CACNA2D2: variants seen among roughly 807,000 people sequenced by gnomAD.
The protein encoded by CACNA2D2 is voltage-dependent calcium channel subunit alpha-2/delta-2.
A neutral mutation model predicts 166.4 loss-of-function variants in CACNA2D2; 48 were observed. That is an observed-to-expected ratio of 0.29 (90% CI 0.23 to 0.37). The LOEUF (loss-of-function observed/expected upper bound fraction) is 0.37. CACNA2D2 is among the 10% of genes least tolerant of loss of function. The pLI, the probability that CACNA2D2 is intolerant of heterozygous loss-of-function variation, is 1.00. For synonymous variants in CACNA2D2, 561 were observed against 573.7 expected, an observed-to-expected ratio of 0.98 and a Z score of 0.32; for missense variants, 1,122 against 1,433.0, an observed-to-expected ratio of 0.78 and a Z score of 3.50.
chr3:50,367,251 C>G lies in CACNA2D2; in HGVS notation c.2402-142G>C, dbSNP rs1419793160. On this transcript the variant is annotated intron_variant, in intron 27 of 37. Coordinates refer to ENST00000424201, the MANE Select transcript of CACNA2D2 (RefSeq NM_006030.4). The surrounding 1 kb of genome is among the most constrained non-coding windows in gnomAD (Gnocchi z 6.5). The stretch of plus-strand genomic sequence containing the variant: ...CACTCAGGACAGTGTTTGGCACAGT[C>G]TATCCCTCTTTTCACGTCTGCCCTG... The G allele has an allele frequency of 2.0e-6, 2 of 991,844 alleles. No individual in the cohort carries two copies. The highest frequency in any genetic ancestry group is 3.1e-6 in the Non-Finnish European group (2 of 642,286). 61.4% of individuals were successfully genotyped at this position (991,844 alleles called of 1,614,324 possible). A position where few individuals can be genotyped will look rare whatever the true frequency, so the allele number is the denominator to read the frequency against.
intron 3 of CACNA2D2, among the ~76,000 whole-genome samples, chr3:50,419,501 C>G (rs1349670572): frequency 1.3e-5 from 2 of 152,200 alleles, no homozygotes; most frequent in Non-Finnish European, 2.9e-5. Flanking sequence ...CAAACCTGGG[C>G]TGCTTCTCAC....
At chr3:50,368,071 G>T in intron 24 of CACNA2D2, 67 bp downstream of exon 24, 1 of 1,307,846 alleles carries the variant, frequency 7.6e-7, no homozygotes, top group Non-Finnish European at 1.1e-6. Flanking sequence ...CGGCCTCTGG[G>T]TTCCTCTGGG....
chr3:50,439,341 C>T (rs1191674549), intron 2 of CACNA2D2, among the ~76,000 whole-genome samples: 2 of 152,222 alleles, frequency 1.3e-5, no homozygotes, highest in African/African-American at 4.8e-5. Flanking sequence ...CAGGCACTCG[C>T]ACGCAAGGCT....
At chr3:50,495,434 C>A (rs1388990722) in intron 1 of CACNA2D2, among the ~76,000 whole-genome samples, 2 of 152,230 alleles carry the variant, frequency 1.3e-5, no homozygotes, top group Non-Finnish European at 2.9e-5. Flanking sequence ...ACAGAACCCA[C>A]GAGAACTGGG....
At chr3:50,392,023 T>C (rs1214577605) in intron 4 of CACNA2D2, among the ~76,000 whole-genome samples, 1 of 152,078 alleles carries the variant, frequency 6.6e-6, no homozygotes, top group Non-Finnish European at 1.5e-5. Flanking sequence ...AGGGCATTCC[T>C]AGGAAGAGGG....
At chr3:50,486,456 A>G (rs1311461384) in intron 1 of CACNA2D2, among the ~76,000 whole-genome samples, 1 of 151,774 alleles carries the variant, frequency 6.6e-6, no homozygotes, top group African/African-American at 2.4e-5. Context: ...TGTCCTCTGT[A>G]TGAGTCCTCA....
At chr3:50,378,639 G>C (rs587762068) in intron 13 of CACNA2D2, among the ~76,000 whole-genome samples, 49 of 152,368 alleles carry the variant, frequency 3.2e-4, no homozygotes, top group South Asian at 2.7e-3. Flanking sequence ...CCAGGCCCAA[G>C]TGCACAGAGA....
At chr3:50,484,977 C>A (rs1280161708) in intron 1 of CACNA2D2, among the ~76,000 whole-genome samples, 1 of 152,226 alleles carries the variant, frequency 6.6e-6, no homozygotes, top group Admixed American at 6.5e-5. Context: ...GCCCAGGAGG[C>A]CCTCCCTTCC....
intron 2 of CACNA2D2, among the ~76,000 whole-genome samples, chr3:50,459,862 A>G (rs1709518320): frequency 6.6e-6 from 1 of 152,186 alleles, no homozygotes. Flanking sequence ...AGAGGCAGGC[A>G]GTGCTTCCCA....
rs1704303640 is a variant in CACNA2D2 at position 50,366,543 on chromosome 3, A to G, written c.2637+35T>C. 1 of 1,611,480 alleles carries G rather than the reference A, an allele frequency of 6.2e-7. No individual in the cohort carries two copies. On this transcript the variant is annotated intron_variant, in intron 30 of 37. Coordinates refer to ENST00000424201, the MANE Select transcript of CACNA2D2 (RefSeq NM_006030.4). The surrounding 1 kb of genome is among the most constrained non-coding windows in gnomAD (Gnocchi z 5.9). ...GACTAGGAAGTCTGGAAGTGGGGTAAGCTAGGGTCCAGGGTAGGTTCAGGG... is the reference window on the plus strand; with the variant it reads ...GACTAGGAAGTCTGGAAGTGGGGTAGGCTAGGGTCCAGGGTAGGTTCAGGG...
intron 1 of CACNA2D2, among the ~76,000 whole-genome samples, chr3:50,480,899 G>GGGGGAAGC (rs1559991369): frequency 1.2e-4 from 3 of 24,780 alleles, no homozygotes; most frequent in African/African-American, 2.1e-4. Context: ...GGGGAGGAAG[G>GGGGGAAGC]GGGAGGAAAG....
chr3:50,442,104 CTT>C (rs1457551838), intron 2 of CACNA2D2, among the ~76,000 whole-genome samples: 1 of 152,224 alleles, frequency 6.6e-6, no homozygotes, highest in African/African-American at 2.4e-5. Context: ...CAGTCTGTGA[CTT>C]TATCTCCCCT....
At chr3:50,404,640 G>C (rs1706608524) in intron 3 of CACNA2D2, among the ~76,000 whole-genome samples, 1 of 152,148 alleles carries the variant, frequency 6.6e-6, no homozygotes, top group South Asian at 2.1e-4. Context: ...AGTTCCCATG[G>C]GAAGAGGTTG....
chr3:50,366,733 T>G lies in CACNA2D2; in HGVS notation c.2589+98A>C. 6.5e-7 allele frequency: 1 copy of G among 1,541,876 alleles called. No homozygotes were observed. Among genetic ancestry groups the G allele is most frequent in the Admixed American group, 1.7e-5 (1 of 57,858 alleles). On this transcript the variant is annotated intron_variant, in intron 29 of 37. Coordinates refer to ENST00000424201, the MANE Select transcript of CACNA2D2 (RefSeq NM_006030.4). The surrounding 1 kb of genome is among the most constrained non-coding windows in gnomAD (Gnocchi z 5.9). Reference sequence around the variant, plus strand: ...CCATCTGCAGCTGGCCCTGCCTCCATGTAGGTGTTGGAGCCACTGAGTGGA... The same window carrying G: ...CCATCTGCAGCTGGCCCTGCCTCCAGGTAGGTGTTGGAGCCACTGAGTGGA...
Position 50,458,257 on chromosome 3 carries a change from G to A in CACNA2D2, c.288+17861C>T, listed in dbSNP as rs888247930. Among the ~76,000 whole-genome samples, 3 of 152,344 alleles carry A rather than the reference G, an allele frequency of 2.0e-5. No homozygotes were observed. The South Asian group carries it at 6.2e-4, about 32-fold the overall frequency. On this transcript the variant is annotated intron_variant, in intron 2 of 37. Transcript: ENST00000424201. ...TTGGGACGAGGGGCACCTGGCCACGGGGAGAGAACCAGGCTGCTCAAGTGT... is the reference window on the plus strand; with the variant it reads ...TTGGGACGAGGGGCACCTGGCCACGAGGAGAGAACCAGGCTGCTCAAGTGT...
In CACNA2D2 at chr3:50,380,031, T is replaced by C. The variant is rs934221849; in HGVS notation, c.843-13A>G. ...CCCCTGGATATACCTGCCCAGGAGA[T>C]GCCTCTGTTAGGGTAAGGCCCACTG... On this transcript the variant is annotated splice_polypyrimidine_tract_variant and intron_variant, in intron 8 of 37. Coordinates refer to ENST00000424201, the MANE Select transcript of CACNA2D2 (RefSeq NM_006030.4). The surrounding 1 kb of genome is among the most constrained non-coding windows in gnomAD (Gnocchi z 4.9). 4 of 1,614,036 alleles carry C rather than the reference T, an allele frequency of 2.5e-6. No individual in the cohort carries two copies. Among genetic ancestry groups the C allele is most frequent in the Non-Finnish European group, 3.4e-6 (4 of 1,180,012 alleles).
At chr3:50,452,674 G>A (rs1336720836) in intron 2 of CACNA2D2, among the ~76,000 whole-genome samples, 1 of 152,194 alleles carries the variant, frequency 6.6e-6, no homozygotes, top group African/African-American at 2.4e-5. Context: ...CAAATTTACG[G>A]TGAAATGTGA....
rs1048613343 is a variant in CACNA2D2 at position 50,503,618 on chromosome 3, C to A, written c.-195G>T. 3.1e-5 allele frequency: 5 copies of A among 163,056 alleles called. No individual in the cohort carries two copies. In the South Asian group the frequency reaches 5.6e-4, roughly 18 times the overall value. 10.1% of individuals were successfully genotyped at this position (163,056 alleles called of 1,614,324 possible). ...TGCGCGCTGCTATCTCCCTGCAGCG[C>A]TGGCTCCAAGCGCTCTGAGCGCCCG... On this transcript the variant is annotated 5_prime_UTR_variant, in exon 1 of 38. Transcript: ENST00000424201.
intron 5 of CACNA2D2, among the ~76,000 whole-genome samples, chr3:50,384,666 A>G (rs1009987608): frequency 6.6e-6 from 1 of 152,184 alleles, no homozygotes; most frequent in African/African-American, 2.4e-5. Context: ...GAGGCAAATC[A>G]TGGAGCCAAT....
Sources: gnomAD v4.1 joint callset for allele counts (sites outside exome capture counted in the v4.1 genomes callset) on GRCh38, gnomAD v4.1.1 for gene constraint, Gnocchi (gnomAD v3.1) non-coding constraint, MANE v1.5 for transcripts, NCBI Gene and HGNC (gene_info 2026-07-23, HGNC 2026-07-21) for gene names.